Variants in LARP1 observed in about 807,000 individuals in gnomAD.
LARP1 encodes La ribonucleoprotein 1, translational regulator, also known as la-related protein 1.
LARP1 carries 36 observed loss-of-function variants against 122.7 expected under a neutral mutation model. That is an observed-to-expected ratio of 0.29 (90% CI 0.22 to 0.39). LARP1 has a LOEUF of 0.39. Among genes scored for constraint, LARP1 ranks in the 10% least tolerant of loss-of-function variants. LARP1 has a pLI of 1.00. For synonymous variants in LARP1, 539 were observed against 528.7 expected (o/e 1.02, Z -0.27); for missense variants, 1,040 against 1,403.6 (o/e 0.74, Z 4.14).
At chr5:154,702,871 G>A (rs901142307) in intron 1 of LARP1, among the ~76,000 whole-genome samples, 3 of 151,908 alleles carry the variant, frequency 2.0e-5, no homozygotes, top group Admixed American at 6.6e-5. Flanking sequence ...TGTAATCCCA[G>A]CACTTTGGGA....
intron 1 of LARP1, among the ~76,000 whole-genome samples, chr5:154,766,760 T>C (rs1754989852): frequency 6.6e-6 from 1 of 152,194 alleles, no homozygotes; most frequent in Admixed American, 6.5e-5. Flanking sequence ...TGCATTTGCC[T>C]ACAGATAGGC....
intron 1 of LARP1, among the ~76,000 whole-genome samples, chr5:154,776,286 T>C (rs1041250055): frequency 3.9e-5 from 6 of 152,160 alleles, no homozygotes; most frequent in Non-Finnish European, 7.4e-5. Flanking sequence ...AAAGCCAAGT[T>C]TTGGAGCTTG....
At chr5:154,764,630 C>T (rs1262971552) in intron 1 of LARP1, among the ~76,000 whole-genome samples, 4 of 130,326 alleles carry the variant, frequency 3.1e-5, no homozygotes, top group Non-Finnish European at 6.4e-5. Flanking sequence ...ACTGGCTGGG[C>T]GTAGTGGCTC....
In LARP1 at chr5:154,802,290, C is replaced by T; in HGVS notation, c.2000C>T (p.Ser667Leu). 1.2e-6 allele frequency: 2 copies of T among 1,614,182 alleles called. No homozygotes were observed. The highest frequency in any genetic ancestry group is 1.7e-6 in the Non-Finnish European group (2 of 1,180,038). The change falls in exon 11 of 19, where the codon TCG (serine) becomes TTG (leucine). Residue 667 changes from serine (S) to leucine (L), a missense_variant. By Grantham distance (145) the Ser-to-Leu change is moderately radical (BLOSUM62 -2). This residue lies in a region of LARP1 where 362 missense variants were observed against 533.1 expected (regional missense o/e 0.68). Transcript: ENST00000518297. This position sits in a 1 kb window ranked among gnomAD's most constrained non-coding sequence, Gnocchi z 5.1. The stretch of plus-strand genomic sequence containing the variant: ...GGGGACCGCACAGGCAACCACACCT[C>T]GCGTGCCAAGATGAGCGCCGAACTG... ...PGGDRTGNHT[S>L]RAKMSAELAK...
intron 1 of LARP1, among the ~76,000 whole-genome samples, chr5:154,743,401 C>T (rs1034113333): frequency 6.6e-5 from 10 of 151,810 alleles, no homozygotes; most frequent in African/African-American, 2.4e-4. Context: ...CTCTGTCTCC[C>T]GGGTTCAAGC....
Position 154,814,433 on chromosome 5 carries a change from T to G in LARP1, c.*337T>G, listed in dbSNP as rs963444713. The G allele has an allele frequency of 6.5e-6, 1 of 153,232 alleles. No individual in the cohort carries two copies. Among genetic ancestry groups the G allele is most frequent in the African/African-American group, 2.4e-5 (1 of 41,378 alleles). 9.5% of individuals were successfully genotyped at this position (153,232 alleles called of 1,614,324 possible). A position where few individuals can be genotyped will look rare whatever the true frequency, so the allele number is the denominator to read the frequency against. Reference sequence around the variant, plus strand: ...AGTTCATCTGGATTACCAAAATCACTCTGCAGCCCTGCCCGAGGCTAGTAG... The same window carrying G: ...AGTTCATCTGGATTACCAAAATCACGCTGCAGCCCTGCCCGAGGCTAGTAG... On this transcript the variant is annotated 3_prime_UTR_variant, in exon 19 of 19. Coordinates refer to ENST00000518297, the MANE Select transcript of LARP1 (RefSeq NM_033551.3).
chr5:154,688,918 T>C (rs1754061780), intron 1 of LARP1, among the ~76,000 whole-genome samples: 1 of 152,262 alleles, frequency 6.6e-6, no homozygotes, highest in African/African-American at 2.4e-5. Flanking sequence ...TTTGTGAGAA[T>C]GTATTAATGC....
upstream of LARP1, among the ~76,000 whole-genome samples, chr5:154,712,010 A>T (rs1180240792): frequency 6.6e-6 from 1 of 152,140 alleles, no homozygotes. Context: ...TTACTTATCT[A>T]ATTGGCTTGT....
chr5:154,703,414 T>C (rs1754812842), intron 1 of LARP1, among the ~76,000 whole-genome samples: 1 of 152,142 alleles, frequency 6.6e-6, no homozygotes, highest in Non-Finnish European at 1.5e-5. Flanking sequence ...CTTTGCCATC[T>C]GCACTCATTT....
intron 1 of LARP1, among the ~76,000 whole-genome samples, chr5:154,764,631 G>A (rs1462135198): frequency 3.4e-5 from 5 of 148,404 alleles, no homozygotes; most frequent in Non-Finnish European, 5.9e-5. Context: ...CTGGCTGGGC[G>A]TAGTGGCTCA....
chr5:154,799,536 ATC>A, intron 8 of LARP1, 53 bp from the exon 9 acceptor site: 1 of 1,587,922 alleles, frequency 6.3e-7, no homozygotes, highest in East Asian at 2.2e-5. Context: ...CATTTCCAAG[ATC>A]TTTCTGTCCA....
intron 1 of LARP1, among the ~76,000 whole-genome samples, chr5:154,780,661 TG>T (rs961111808): frequency 2.6e-5 from 4 of 152,204 alleles, no homozygotes; most frequent in African/African-American, 9.7e-5. Context: ...TGACTTGGTC[TG>T]GGATCACCCT....
At chr5:154,791,180 G>A (rs966685097) in intron 3 of LARP1, among the ~76,000 whole-genome samples, 2 of 148,074 alleles carry the variant, frequency 1.4e-5, no homozygotes, top group Non-Finnish European at 3.0e-5. Flanking sequence ...AGTCACCCAG[G>A]CTGGAGTGCA....
chr5:154,797,221 G>GGTTTTTT (rs1757940079), intron 8 of LARP1, among the ~76,000 whole-genome samples: 2 of 29,748 alleles, frequency 6.7e-5, no homozygotes, highest in African/African-American at 2.1e-4. Flanking sequence ...TGTTGTTGTT[G>GGTTTTTT]TTTTTTTTTT....
rs1347974587 is a variant in LARP1, at chr5:154,815,801, G to C, written c.*1705G>C. On this transcript the variant is annotated 3_prime_UTR_variant, in exon 19 of 19. Transcript: ENST00000518297. ...GCTGTGAATGATAATGGAATGGCTG[G>C]AGTCTGCTGTTGTCAGAAGGCAGGG... 6.6e-6 allele frequency: 1 copy of C among 152,626 alleles called. No individual in the cohort carries two copies. The highest frequency in any genetic ancestry group is 2.4e-5 in the African/African-American group (1 of 41,442). The allele number at this position is 152,626 out of a possible 1,614,324, so 9.5% of individuals were successfully genotyped here. A position where few individuals can be genotyped will look rare whatever the true frequency, so the allele number is the denominator to read the frequency against.
chr5:154,808,916 G>A (rs929708863), intron 16 of LARP1, among the ~76,000 whole-genome samples: 4 of 152,136 alleles, frequency 2.6e-5, no homozygotes, highest in African/African-American at 9.7e-5. Flanking sequence ...AGACATCTGT[G>A]TAGTCTTCCA....
chr5:154,698,747 T>A lies in LARP1; in HGVS notation c.-180+15710T>A, dbSNP rs182743119. On this transcript the variant is annotated intron_variant, in intron 1 of 18. Coordinates refer to the LARP1 transcript ENST00000687700. Reference sequence around the variant, plus strand: ...GTAAAGCTGAAGAAAAGGAAATATCTAATTCACCAATGAATCTGCCAAGCT... The same window carrying A: ...GTAAAGCTGAAGAAAAGGAAATATCAAATTCACCAATGAATCTGCCAAGCT... 2.0e-5 allele frequency among the ~76,000 whole-genome samples: 3 copies of A among 152,326 alleles called. No individual in the cohort carries two copies. In the East Asian group the frequency reaches 5.8e-4, roughly 29 times the overall value.
At chr5:154,698,608 A>C (rs1351280420) in intron 1 of LARP1, among the ~76,000 whole-genome samples, 1 of 152,180 alleles carries the variant, frequency 6.6e-6, no homozygotes, top group Admixed American at 6.5e-5. Flanking sequence ...AAAATAAATA[A>C]ATAAATAAAT....
intron 1 of LARP1, among the ~76,000 whole-genome samples, chr5:154,761,924 G>A (rs1754479537): frequency 6.6e-6 from 1 of 152,158 alleles, no homozygotes; most frequent in South Asian, 2.1e-4. Flanking sequence ...TTGCTGTTGA[G>A]TATGGGGCAG....
Sources: gnomAD v4.1 joint callset for allele counts (sites outside exome capture counted in the v4.1 genomes callset) on GRCh38, gnomAD v4.1.1 for gene constraint, gnomAD v4.1.1 regional missense constraint, Gnocchi (gnomAD v3.1) non-coding constraint, MANE v1.5 for transcripts, NCBI Gene and HGNC (gene_info 2026-07-23, HGNC 2026-07-21) for gene names.